CRLF2: variants seen among roughly 807,000 people sequenced by gnomAD.
The protein encoded by CRLF2 is cytokine receptor-like factor 2.
Under a neutral mutation model 38.7 loss-of-function variants are expected in CRLF2, and 41 were observed. That is an observed-to-expected ratio of 1.06 (90% CI 0.83 to 1.37). CRLF2 has a LOEUF of 1.37. Among genes scored for constraint, CRLF2 ranks in the 40% most tolerant of loss-of-function variants. The pLI, the probability that CRLF2 is intolerant of heterozygous loss-of-function variation, is 0.00. For missense variants in CRLF2, 377 were observed against 322.2 expected (o/e 1.17, Z -1.30); for synonymous variants, 140 against 128.8 (o/e 1.09, Z -0.59).
At chrX:1,202,592 G>T (rs1163678793) in intron 3 of CRLF2, 57 bp from the exon 4 acceptor site, 2 of 1,606,848 alleles carry the variant, frequency 1.2e-6, no homozygotes, top group Admixed American at 3.3e-5. Flanking sequence ...ATTGTGACAG[G>T]CTGACCTCAT....
intron 6 of CRLF2, among the ~76,000 whole-genome samples, chrX:1,196,063 T>G (rs2086469537): frequency 6.8e-6 from 1 of 147,066 alleles, no homozygotes; most frequent in African/African-American, 2.5e-5. Context: ...ATATTTTTAG[T>G]AGAGGTGGGG....
At chrX:1,196,356 T>C (rs1299806672) in intron 6 of CRLF2, among the ~76,000 whole-genome samples, 2 of 151,626 alleles carry the variant, frequency 1.3e-5, no homozygotes, top group Non-Finnish European at 2.9e-5. Context: ...CCCGGCTACT[T>C]TTTGTATTTT....
rs150568818 is a variant in CRLF2 at position 1,206,135 on chromosome X, G to A, written c.349+298C>T. Among the ~76,000 whole-genome samples the A allele has an allele frequency of 1.4e-3, 213 of 152,018 alleles. 2 individuals carry two copies. The highest frequency in any genetic ancestry group is 4.6e-3 in the African/African-American group (192 of 41,490). ...TTATTACGGTAATCATGGATCCGACGATTTACGTGAGCTTTTCAGTACTTA... is the reference window on the plus strand; with the variant it reads ...TTATTACGGTAATCATGGATCCGACAATTTACGTGAGCTTTTCAGTACTTA... On this transcript the variant is annotated intron_variant, in intron 3 of 7. Transcript: ENST00000400841.
At chrX:1,195,018 T>C (rs1190271930) in intron 6 of CRLF2, among the ~76,000 whole-genome samples, 57 of 151,550 alleles carry the variant, frequency 3.8e-4, no homozygotes, top group African/African-American at 1.3e-3. Context: ...GGTGACAGAG[T>C]GAGACTCAGT....
At chrX:1,203,331 C>T (rs2086641610) in intron 3 of CRLF2, among the ~76,000 whole-genome samples, 1 of 150,874 alleles carries the variant, frequency 6.6e-6, no homozygotes, top group African/African-American at 2.4e-5. Context: ...CTGGAGCCCC[C>T]AGGAGCTGGG....
chrX:1,206,496 A>G lies in CRLF2; in HGVS notation c.286T>C (p.Tyr96His), dbSNP rs1477933421. The change falls in exon 3 of 8, where the codon TAT (tyrosine) becomes CAT (histidine). Residue 96 changes from tyrosine to histidine, a missense_variant. Coordinates refer to ENST00000400841, the MANE Select transcript of CRLF2 (RefSeq NM_022148.4). ...TGCGTCCCATTCCTGATGGAGAAAT[A>G]GAGAATGTCGTCTCGCTGCTCTGCG... is the stretch of plus-strand genomic sequence containing the variant. The part of the protein sequence containing the change: ...LDAEQRDDIL[Y>H]FSIRNGTHPV... The G allele has an allele frequency of 1.9e-6, 3 of 1,613,572 alleles. No individual in the cohort carries two copies. Among genetic ancestry groups the G allele is most frequent in the Admixed American group, 1.7e-5 (1 of 59,994 alleles).
Position 1,192,708 on chromosome X carries a change from T to TTTCTTTCTTTC in CRLF2, c.852+509_852+510insGAAAGAAAGAA, listed in dbSNP as rs1333556562. The stretch of plus-strand genomic sequence containing the variant: ...TTCTCTTTCTTTTTCTTTTCTTTTC[T>TTTCTTTCTTTC]TTTCTTTCTTTCTTTCTTTCTTTCT... On this transcript the variant is annotated intron_variant, in intron 7 of 7. Transcript: ENST00000400841. Among the ~76,000 whole-genome samples, 32 of 110,102 alleles carry TTTCTTTCTTTC rather than the reference T, an allele frequency of 2.9e-4. 1 individual carries two copies. In the Middle Eastern group the frequency reaches 0.012, roughly 40 times the overall value. 72.2% of individuals were successfully genotyped at this position (110,102 alleles called of 152,430 possible). A position where few individuals can be genotyped will look rare whatever the true frequency, so the allele number is the denominator to read the frequency against.
intron 1 of CRLF2, 39 bp from the exon 2 acceptor site, chrX:1,208,947 A>G (rs1389097305): frequency 9.0e-7 from 1 of 1,109,032 alleles, no homozygotes; most frequent in Non-Finnish European, 1.3e-6. Flanking sequence ...CGGTGAGGCA[A>G]CTCTATTTTT....
chrX:1,211,903 G>A lies in CRLF2; in HGVS notation c.79+653C>T, dbSNP rs185741808. The stretch of plus-strand genomic sequence containing the variant: ...TGGATGGGTGGATGGGTGGATGGAT[G>A]GATGGATGTATTGGTGGATGGATGG... On this transcript the variant is annotated intron_variant, in intron 1 of 7. Coordinates refer to ENST00000400841, the MANE Select transcript of CRLF2 (RefSeq NM_022148.4). Among the ~76,000 whole-genome samples, 187 of 127,846 alleles carry A rather than the reference G, an allele frequency of 1.5e-3. 13 individuals carry two copies. Among genetic ancestry groups the A allele is most frequent in the Non-Finnish European group, 2.1e-3 (132 of 62,032 alleles). 83.9% of individuals were successfully genotyped at this position (127,846 alleles called of 152,430 possible).
chrX:1,197,663 C>T (rs1414843744), intron 5 of CRLF2, among the ~76,000 whole-genome samples: 1 of 151,624 alleles, frequency 6.6e-6, no homozygotes, highest in African/African-American at 2.4e-5. Context: ...AAAATACAAA[C>T]ATTAGGCGGG....
At chrX:1,203,610 C>T (rs749788259) in intron 3 of CRLF2, among the ~76,000 whole-genome samples, 32 of 151,306 alleles carry the variant, frequency 2.1e-4, no homozygotes, top group South Asian at 1.7e-3. Context: ...CACATGGAGA[C>T]GGAGGCAGAG....
At chrX:1,211,962 A>G (rs1364432066) in intron 1 of CRLF2, among the ~76,000 whole-genome samples, 3 of 141,522 alleles carry the variant, frequency 2.1e-5, no homozygotes, top group Non-Finnish European at 4.6e-5. Flanking sequence ...GATGGATGAT[A>G]GATGGGTGGA....
intron 2 of CRLF2, 123 bp downstream of exon 2, chrX:1,208,683 C>G: frequency 1.5e-6 from 1 of 683,902 alleles, no homozygotes; most frequent in Non-Finnish European, 2.7e-6. Context: ...ACAGAACAAA[C>G]ATTCCGGCTT....
At chrX:1,204,018 C>G (rs1439574630) in intron 3 of CRLF2, among the ~76,000 whole-genome samples, 2 of 149,804 alleles carry the variant, frequency 1.3e-5, no homozygotes, top group African/African-American at 4.9e-5. Flanking sequence ...TTTCCTCGCC[C>G]GAGACTTAAC....
intron 6 of CRLF2, among the ~76,000 whole-genome samples, chrX:1,195,882 T>C (rs2086465370): frequency 2.8e-5 from 4 of 140,646 alleles, no homozygotes; most frequent in Non-Finnish European, 6.1e-5. Flanking sequence ...ATATATATTT[T>C]ATATAGATTA....
At position 1,193,211 on chromosome X, in the gene CRLF2, C is replaced by T. The variant is rs1302622471; in HGVS notation, c.852+7G>A. ...GAGGAGAAGAGACACAAGGAGAGGG[C>T]GGATACCTGGAAGTTCCCTTGGTGT... On this transcript the variant is annotated splice_region_variant and intron_variant, in intron 7 of 7. Transcript: ENST00000400841. 3.0e-5 allele frequency: 12 copies of T among 398,396 alleles called. No homozygotes were observed. Among genetic ancestry groups the T allele is most frequent in the Admixed American group, 4.4e-5 (1 of 22,642 alleles). The allele number at this position is 398,396 out of a possible 1,614,324, so 24.7% of individuals were successfully genotyped here.
Position 1,190,619 on chromosome X carries a change from G to A in CRLF2, c.*278C>T, listed in dbSNP as rs1283501657. The A allele has an allele frequency of 2.1e-5, 8 of 384,390 alleles. No individual in the cohort carries two copies. The highest frequency in any genetic ancestry group is 3.7e-5 in the Non-Finnish European group (8 of 217,544). The allele number at this position is 384,390 out of a possible 1,614,324, so 23.8% of individuals were successfully genotyped here. ...GGACGTGCTGCCTTGGGGTTTATGT[G>A]ACAACGTTCAGGCACGAAAAGGAAC... On this transcript the variant is annotated 3_prime_UTR_variant, in exon 8 of 8. Transcript: ENST00000400841.
In CRLF2 at chrX:1,200,109, T is replaced by TAC. The variant is rs1468879452; in HGVS notation, c.484-1386_484-1385insGT. Among the ~76,000 whole-genome samples the TAC allele has an allele frequency of 2.0e-5, 3 of 151,218 alleles. No homozygotes were observed. In the East Asian group the frequency reaches 5.8e-4, roughly 29 times the overall value. Reference sequence around the variant, plus strand: ...ATTGTATATAAGCTGTGTGTGTATATATATAAAGTTTGTGTATCTATACAT... The same window carrying TAC: ...ATTGTATATAAGCTGTGTGTGTATATACATATAAAGTTTGTGTATCTATACAT... On this transcript the variant is annotated intron_variant, in intron 4 of 7. Coordinates refer to ENST00000400841, the MANE Select transcript of CRLF2 (RefSeq NM_022148.4).
In CRLF2 at chrX:1,192,741, TTTC is replaced by T. The variant is rs1177702677; in HGVS notation, c.852+474_852+476del. On this transcript the variant is annotated intron_variant, in intron 7 of 7. Transcript: ENST00000400841. The stretch of plus-strand genomic sequence containing the variant: ...CTTTCTTTCTTTCTTTCTTTCTTTC[TTTC>T]TTTCTTTCTTTCTTTCTTTCTTTCC... Among the ~76,000 whole-genome samples the T allele has an allele frequency of 1.1e-4, 16 of 143,654 alleles. No individual in the cohort carries two copies. In the East Asian group the frequency reaches 2.6e-3, roughly 24 times the overall value. The allele number at this position is 143,654 out of a possible 152,430, so 94.2% of individuals were successfully genotyped here.
Sources: gnomAD v4.1 joint callset for allele counts (sites outside exome capture counted in the v4.1 genomes callset) on GRCh38, gnomAD v4.1.1 for gene constraint, MANE v1.5 for transcripts, NCBI Gene and HGNC (gene_info 2026-07-23, HGNC 2026-07-21) for gene names.